Variants in PPM1K observed in about 807,000 individuals in gnomAD.
PPM1K encodes the protein protein phosphatase Mn(2+)-dependent 1K.
A neutral mutation model predicts 32.6 loss-of-function variants in PPM1K; 19 were observed. The observed-to-expected ratio is 0.58, with a 90% CI of 0.41 to 0.86. The LOEUF is 0.86. PPM1K is among the 40% of genes least tolerant of loss of function. PPM1K has a pLI of 0.00. For synonymous variants in PPM1K, 159 were observed against 165.3 expected, an observed-to-expected ratio of 0.96 and a Z score of 0.29; for missense variants, 362 against 461.2, an observed-to-expected ratio of 0.78 and a Z score of 1.97.
At chr4:88,272,076 A>G (rs1246562905) in intron 3 of PPM1K, among the ~76,000 whole-genome samples, 1 of 152,178 alleles carries the variant, frequency 6.6e-6, no homozygotes, top group Non-Finnish European at 1.5e-5. Context: ...AAGTATAATG[A>G]CCCCTAGTAA....
In PPM1K at chr4:88,257,637, T is replaced by G. The variant is rs1293387566; in HGVS notation, c.*4958A>C. Reference sequence around the variant, plus strand: ...TTTTAAAATTGTTTAATGCATGTACTTTATTAGAATGATATTTTGAACACT... The same window carrying G: ...TTTTAAAATTGTTTAATGCATGTACGTTATTAGAATGATATTTTGAACACT... On this transcript the variant is annotated 3_prime_UTR_variant, in exon 7 of 7. Coordinates refer to ENST00000608933, the MANE Select transcript of PPM1K (RefSeq NM_152542.5). The G allele has an allele frequency of 6.6e-6, 1 of 152,228 alleles. No homozygotes were observed. Among genetic ancestry groups the G allele is most frequent in the Non-Finnish European group, 1.5e-5 (1 of 68,044 alleles). The allele number at this position is 152,228 out of a possible 1,614,324, so 9.4% of individuals were successfully genotyped here. A position where few individuals can be genotyped will look rare whatever the true frequency, so the allele number is the denominator to read the frequency against.
intron 3 of PPM1K, among the ~76,000 whole-genome samples, chr4:88,272,605 TG>T (rs1256343823): frequency 2.0e-5 from 3 of 152,238 alleles, no homozygotes; most frequent in Non-Finnish European, 4.4e-5. Context: ...ATTTACTGGC[TG>T]CTTTTATTAA....
At chr4:88,277,419 GTGATAA>G (rs1731824185) in intron 2 of PPM1K, 176 bp from the exon 3 acceptor site, 2 of 564,358 alleles carry the variant, frequency 3.5e-6, no homozygotes, top group South Asian at 4.5e-5. Context: ...ATCAGGCACT[GTGATAA>G]GCTTTTAAGG....
At position 88,278,445 on chromosome 4, in the gene PPM1K, A is replaced by G; in HGVS notation, c.139T>C (p.Cys47Arg). Residue 47 changes from cysteine to arginine, a missense_variant, in exon 2 of 7, where the codon TGT becomes CGT. By Grantham distance (180) the Cys-to-Arg change is radical. Transcript: ENST00000608933. This position sits in a 1 kb window ranked among gnomAD's most constrained non-coding sequence, Gnocchi z 4.2. ...TCHSSTSEPR[C>R]SRFDPDGSGS... Reference sequence around the variant, plus strand: ...CTACCATCTGGGTCAAACCGAGAACACCTAGGCTCTGAAGTGGAGCTGTGG... The same window carrying G: ...CTACCATCTGGGTCAAACCGAGAACGCCTAGGCTCTGAAGTGGAGCTGTGG... The G allele has an allele frequency of 6.2e-7, 1 of 1,614,184 alleles. No homozygotes were observed. The highest frequency in any genetic ancestry group is 8.5e-7 in the Non-Finnish European group (1 of 1,180,032).
intron 3 of PPM1K, among the ~76,000 whole-genome samples, chr4:88,271,951 C>T (rs1048834022): frequency 1.7e-4 from 26 of 152,228 alleles, no homozygotes; most frequent in Admixed American, 1.2e-3. Context: ...GTATAATTCA[C>T]AAAATGGGTA....
chr4:88,277,309 A>T (rs1731818534), intron 2 of PPM1K, 66 bp from the exon 3 acceptor site: 1 of 1,081,468 alleles, frequency 9.2e-7, no homozygotes, highest in Admixed American at 1.8e-5. Context: ...CCTCACTGTT[A>T]CTCTAGCTAG....
chr4:88,269,346 TAGA>T, intron 3 of PPM1K, among the ~76,000 whole-genome samples: 1 of 152,358 alleles, frequency 6.6e-6, no homozygotes, highest in East Asian at 1.9e-4. Context: ...TCTATGGATT[TAGA>T]AGGTTTTCTC....
Position 88,268,482 on chromosome 4 carries a change from G to A in PPM1K, c.708-148C>T, listed in dbSNP as rs144565932. The A allele has an allele frequency of 7.2e-4, 665 of 919,572 alleles. 5 individuals are homozygous for A. In the East Asian group the frequency reaches 0.016, roughly 22 times the overall value. 57.0% of individuals were successfully genotyped at this position (919,572 alleles called of 1,614,324 possible). A position where few individuals can be genotyped will look rare whatever the true frequency, so the allele number is the denominator to read the frequency against. Reference sequence around the variant, plus strand: ...CTAAAAAACAAAAAATTAGCCGAGCGTGTTGGCAGGCGCCTGTAGTCCCAG... The same window carrying A: ...CTAAAAAACAAAAAATTAGCCGAGCATGTTGGCAGGCGCCTGTAGTCCCAG... On this transcript the variant is annotated intron_variant, in intron 4 of 6. Coordinates refer to ENST00000608933, the MANE Select transcript of PPM1K (RefSeq NM_152542.5).
chr4:88,281,967 A>G (rs1171513412), intron 1 of PPM1K, among the ~76,000 whole-genome samples: 1 of 152,076 alleles, frequency 6.6e-6, no homozygotes, highest in Admixed American at 6.5e-5. Context: ...CAAAAACCTT[A>G]AGGAAAAAAA....
In PPM1K at chr4:88,274,912, A is replaced by G. The variant is rs1018129133; in HGVS notation, c.541+2231T>C. 15 of 304,508 alleles carry G rather than the reference A, an allele frequency of 4.9e-5. No individual in the cohort carries two copies. In the East Asian group the frequency reaches 1.2e-3, roughly 24 times the overall value. 18.9% of individuals were successfully genotyped at this position (304,508 alleles called of 1,614,324 possible). ...CAAAACACTAATTTTTAAAAAACAC[A>G]GACCGATAAGAATATATACAAAATA... On this transcript the variant is annotated intron_variant, in intron 3 of 6. Coordinates refer to ENST00000608933, the MANE Select transcript of PPM1K (RefSeq NM_152542.5).
Position 88,268,741 on chromosome 4 carries a change from C to A in PPM1K, c.707G>T (p.Arg236Met). ...TATGATGGATCAGTGGTGGTAGTAC[C>A]TTTCTTTTTCATCTTTTCTTTCTGG... ...HTPERKDEKE[R>M]IKKCGGFVAW... is the part of the protein sequence containing the mutation. Residue 236 changes from arginine to methionine, a missense_variant and splice_region_variant, in exon 4 of 7, where the codon AGG becomes ATG. Transcript: ENST00000608933. 2 of 1,613,494 alleles carry A rather than the reference C, an allele frequency of 1.2e-6. No individual in the cohort carries two copies. Among genetic ancestry groups the A allele is most frequent in the Non-Finnish European group, 1.7e-6 (2 of 1,179,626 alleles).
chr4:88,267,719 T>C (rs1384195675), intron 5 of PPM1K, among the ~76,000 whole-genome samples: 12 of 152,236 alleles, frequency 7.9e-5, no homozygotes, highest in Non-Finnish European at 1.5e-5. Flanking sequence ...CAGGTTTTAC[T>C]ATCTCTCCAC....
rs1441184984 is a variant in PPM1K, at chr4:88,260,957, T to C, written c.*1638A>G. The C allele has an allele frequency of 6.6e-6, 1 of 152,180 alleles. No individual in the cohort carries two copies. The highest frequency in any genetic ancestry group is 6.5e-5 in the Admixed American group (1 of 15,268). The allele number at this position is 152,180 out of a possible 1,614,324, so 9.4% of individuals were successfully genotyped here. Reference sequence around the variant, plus strand: ...GCTGATAATCACTGGGTCTCCACTATAAGAAAATTGCCCCTAGTTTGTCAA... The same window carrying C: ...GCTGATAATCACTGGGTCTCCACTACAAGAAAATTGCCCCTAGTTTGTCAA... On this transcript the variant is annotated 3_prime_UTR_variant, in exon 7 of 7. Coordinates refer to ENST00000608933, the MANE Select transcript of PPM1K (RefSeq NM_152542.5).
In PPM1K at chr4:88,275,733, T is replaced by C. The variant is rs796078127; in HGVS notation, c.541+1410A>G. 51 of 985,354 alleles carry C rather than the reference T, an allele frequency of 5.2e-5. No individual in the cohort carries two copies. In the South Asian group the frequency reaches 2.1e-3, roughly 40 times the overall value. 61.0% of individuals were successfully genotyped at this position (985,354 alleles called of 1,614,324 possible). ...AGATGCACAGCCAACTCAGTTACTATGAAATAAGAGCATACCAAAATTCAG... is the reference window on the plus strand; with the variant it reads ...AGATGCACAGCCAACTCAGTTACTACGAAATAAGAGCATACCAAAATTCAG... On this transcript the variant is annotated intron_variant, in intron 3 of 6. Transcript: ENST00000608933.
In PPM1K at chr4:88,261,121, A is replaced by C. The variant is rs1731100062; in HGVS notation, c.*1474T>G. On this transcript the variant is annotated 3_prime_UTR_variant, in exon 7 of 7. Coordinates refer to ENST00000608933, the MANE Select transcript of PPM1K (RefSeq NM_152542.5). ...TATAACAAATTTACATAGTTTGCAG[A>C]AATAAACTACGGAAATAATTCCAAA... 6.6e-6 allele frequency: 1 copy of C among 152,244 alleles called. No homozygotes were observed. Among genetic ancestry groups the C allele is most frequent in the Non-Finnish European group, 1.5e-5 (1 of 68,040 alleles). The allele number at this position is 152,244 out of a possible 1,614,324, so 9.4% of individuals were successfully genotyped here. A position where few individuals can be genotyped will look rare whatever the true frequency, so the allele number is the denominator to read the frequency against.
At chr4:88,264,557 A>T (rs1304161562) in intron 6 of PPM1K, among the ~76,000 whole-genome samples, 1 of 152,198 alleles carries the variant, frequency 6.6e-6, no homozygotes, top group Non-Finnish European at 1.5e-5. Flanking sequence ...CTGCAATTTA[A>T]TAGTTTTATG....
intron 1 of PPM1K, among the ~76,000 whole-genome samples, chr4:88,281,456 T>C (rs1732001175): frequency 6.6e-6 from 1 of 152,166 alleles, no homozygotes; most frequent in Non-Finnish European, 1.5e-5. Context: ...TGAGATAAAA[T>C]GCAAATTGAG....
chr4:88,278,781 C>T lies in PPM1K; in HGVS notation c.-59-139G>A. The T allele has an allele frequency of 1.8e-6, 1 of 554,108 alleles. No homozygotes were observed. Among genetic ancestry groups the T allele is most frequent in the East Asian group, 3.0e-5 (1 of 33,860 alleles). The allele number at this position is 554,108 out of a possible 1,614,324, so 34.3% of individuals were successfully genotyped here. ...TCATCAAATATTACCAAAAATGAAG[C>T]TCATAAAGGATTTGACAGAAAATAC... On this transcript the variant is annotated intron_variant, in intron 1 of 6. Coordinates refer to ENST00000608933, the MANE Select transcript of PPM1K (RefSeq NM_152542.5). The surrounding 1 kb of genome is among the most constrained non-coding windows in gnomAD (Gnocchi z 4.2).
At position 88,258,949 on chromosome 4, in the gene PPM1K, C is replaced by CGT. The variant is rs1731015145; in HGVS notation, c.*3645_*3646insAC. 1 of 151,580 alleles carries CGT rather than the reference C, an allele frequency of 6.6e-6. No homozygotes were observed. Among genetic ancestry groups the CGT allele is most frequent in the Non-Finnish European group, 1.5e-5 (1 of 67,968 alleles). 9.4% of individuals were successfully genotyped at this position (151,580 alleles called of 1,614,324 possible). ...AAAATACAAAAAAATTAGCCGGGCA[C>CGT]GGTGGCGGACGCCTGTAATTCCAGC... On this transcript the variant is annotated 3_prime_UTR_variant, in exon 7 of 7. Transcript: ENST00000608933.
Sources: allele counts gnomAD v4.1 joint callset (sites outside exome capture counted in the v4.1 genomes callset), GRCh38; gene constraint gnomAD v4.1.1; non-coding constraint Gnocchi (gnomAD v3.1); transcripts MANE v1.5; gene names NCBI Gene and HGNC (gene_info 2026-07-23, HGNC 2026-07-21).